The following FAM177A1 variants were observed in gnomAD, a reference collection of about 807,000 sequenced individuals.
FAM177A1 encodes family with sequence similarity 177 member A1, also known as protein FAM177A1.
Under a neutral mutation model 26.1 loss-of-function variants are expected in FAM177A1, and 22 were observed. The ratio of observed to expected loss-of-function variants is 0.84; its 90% CI spans 0.60 to 1.20. FAM177A1 has a LOEUF of 1.20. Ranked by LOEUF, FAM177A1 falls within the 50% of genes most tolerant of loss-of-function variation. The pLI is 0.00. For missense variants in FAM177A1, 296 were observed against 291.1 expected (o/e 1.02, Z -0.12); for synonymous variants, 95 against 99.3 (o/e 0.96, Z 0.26).
chr14:35,079,120 T>G (rs2045441444), intron 4 of FAM177A1, 96 bp downstream of exon 4: 1 of 787,744 alleles, frequency 1.3e-6, no homozygotes, highest in Non-Finnish European at 2.0e-6. Context: ...CTGCCCAACA[T>G]GTAGCTCTCT....
chr14:35,053,541 G>T, intron 2 of FAM177A1, 90 bp downstream of exon 2: 1 of 1,143,112 alleles, frequency 8.7e-7, no homozygotes, highest in Non-Finnish European at 1.3e-6. Flanking sequence ...GACCTTTTGA[G>T]GTTTAAATCA....
At chr14:35,071,568 A>T (rs1431666922) in intron 2 of FAM177A1, among the ~76,000 whole-genome samples, 1 of 149,428 alleles carries the variant, frequency 6.7e-6, no homozygotes, top group Non-Finnish European at 1.5e-5. Context: ...GATTCAATCA[A>T]GTCAATGTTC....
At chr14:35,065,357 C>CTTTT (rs1181451849) in intron 2 of FAM177A1, among the ~76,000 whole-genome samples, 5 of 91,878 alleles carry the variant, frequency 5.4e-5, no homozygotes, top group Admixed American at 1.1e-4. Flanking sequence ...TCCATTGAAT[C>CTTTT]TTTTTTTTTT....
At chr14:35,058,038 C>T (rs1298917324) in intron 2 of FAM177A1, among the ~76,000 whole-genome samples, 1 of 151,794 alleles carries the variant, frequency 6.6e-6, no homozygotes, top group Non-Finnish European at 1.5e-5. Flanking sequence ...TGATCATCTG[C>T]CCTGTTGTCC....
Position 35,061,995 on chromosome 14 carries a change from G to A in FAM177A1, c.339+8544G>A, listed in dbSNP as rs77563367. Among the ~76,000 whole-genome samples the A allele has an allele frequency of 2.2e-3, 333 of 152,166 alleles. 1 individual carries two copies. The highest frequency in any genetic ancestry group is 2.7e-3 in the Non-Finnish European group (182 of 68,018). ...CCTCAGTAATAGATGAGAAGTGCTG[G>A]TTAATATTCTGTTCCTCCTGAGAAG... On this transcript the variant is annotated intron_variant, in intron 2 of 4. Transcript: ENST00000280987.
intron 4 of FAM177A1, among the ~76,000 whole-genome samples, chr14:35,079,346 T>C (rs995555359): frequency 3.3e-5 from 5 of 152,158 alleles, no homozygotes; most frequent in African/African-American, 1.2e-4. Context: ...AGAAACAAGA[T>C]ACTTAGAGCA....
chr14:35,082,571 C>G lies in FAM177A1; in HGVS notation c.*1343C>G, dbSNP rs1428138415. 1 of 151,862 alleles carries G rather than the reference C, an allele frequency of 6.6e-6. No homozygotes were observed. Among genetic ancestry groups the G allele is most frequent in the African/African-American group, 2.4e-5 (1 of 41,336 alleles). The allele number at this position is 151,862 out of a possible 1,614,324, so 9.4% of individuals were successfully genotyped here. A position where few individuals can be genotyped will look rare whatever the true frequency, so the allele number is the denominator to read the frequency against. On this transcript the variant is annotated 3_prime_UTR_variant, in exon 5 of 5. Transcript: ENST00000280987. ...CAGACACACACACACACACATATAT[C>G]TCTAAATGTGTGTATAGAACCTTTT... is the stretch of plus-strand genomic sequence containing the variant.
intron 2 of FAM177A1, among the ~76,000 whole-genome samples, chr14:35,062,768 C>T (rs1366251241): frequency 1.1e-4 from 16 of 142,804 alleles, no homozygotes; most frequent in Admixed American, 7.1e-4. Flanking sequence ...TACTCCAGCC[C>T]GGGCAACAAA....
At chr14:35,057,118 C>A (rs1024096762) in intron 2 of FAM177A1, among the ~76,000 whole-genome samples, 1 of 152,088 alleles carries the variant, frequency 6.6e-6, no homozygotes, top group Admixed American at 6.6e-5. Flanking sequence ...GTTTCATTTT[C>A]CAGTGTCCTA....
At chr14:35,060,242 TG>T (rs1197537421) in intron 2 of FAM177A1, among the ~76,000 whole-genome samples, 2 of 152,198 alleles carry the variant, frequency 1.3e-5, no homozygotes, top group Non-Finnish European at 2.9e-5. Context: ...CCTAAAGTGC[TG>T]GGATTACAGG....
At chr14:35,071,801 G>A (rs2138561361) in intron 2 of FAM177A1, among the ~76,000 whole-genome samples, 1 of 152,204 alleles carries the variant, frequency 6.6e-6, no homozygotes, top group South Asian at 2.1e-4. Flanking sequence ...GTTTAGGGGT[G>A]TGACCCCCCA....
rs908910088 is a variant in FAM177A1, at chr14:35,082,091, T to A, written c.*863T>A. ...AATGATAGCCTAATGAAATTACCCGTCATTCATCATTTAGAAGTAGCAACA... is the reference window on the plus strand; with the variant it reads ...AATGATAGCCTAATGAAATTACCCGACATTCATCATTTAGAAGTAGCAACA... On this transcript the variant is annotated 3_prime_UTR_variant, in exon 5 of 5. Coordinates refer to ENST00000280987, the MANE Select transcript of FAM177A1 (RefSeq NM_173607.5). 2 of 152,174 alleles carry A rather than the reference T, an allele frequency of 1.3e-5. No individual in the cohort carries two copies. Among genetic ancestry groups the A allele is most frequent in the African/African-American group, 4.8e-5 (2 of 41,440 alleles). The allele number at this position is 152,174 out of a possible 1,614,324, so 9.4% of individuals were successfully genotyped here. A position where few individuals can be genotyped will look rare whatever the true frequency, so the allele number is the denominator to read the frequency against.
chr14:35,056,431 C>T (rs1263118276), intron 2 of FAM177A1, among the ~76,000 whole-genome samples: 1 of 152,128 alleles, frequency 6.6e-6, no homozygotes, highest in African/African-American at 2.4e-5. Context: ...TCTTGGCTTA[C>T]TGCAACCTCT....
intron 2 of FAM177A1, among the ~76,000 whole-genome samples, chr14:35,070,676 A>T (rs17103005): frequency 0.34 from 51,543 of 152,088 alleles, 8,909 homozygotes; most frequent in East Asian, 0.41. Flanking sequence ...GCATATTTAT[A>T]GGCAAATTTT....
intron 1 of FAM177A1, among the ~76,000 whole-genome samples, chr14:35,047,898 T>TC (rs1350708813): frequency 6.6e-6 from 1 of 152,138 alleles, no homozygotes; most frequent in Non-Finnish European, 1.5e-5. Flanking sequence ...GTAAGACATT[T>TC]CCCCCAAACT....
chr14:35,069,410 C>G (rs909996145), intron 2 of FAM177A1, among the ~76,000 whole-genome samples: 9 of 151,994 alleles, frequency 5.9e-5, no homozygotes, highest in African/African-American at 2.2e-4. Flanking sequence ...CTCAGCCTCC[C>G]AAGTAGCTGG....
intron 2 of FAM177A1, among the ~76,000 whole-genome samples, chr14:35,061,672 G>A (rs1378211675): frequency 6.7e-6 from 1 of 149,106 alleles, no homozygotes; most frequent in Non-Finnish European, 1.5e-5. Flanking sequence ...TAAATGACAA[G>A]TTAATGGGTG....
chr14:35,072,406 T>C (rs995899723), intron 2 of FAM177A1, among the ~76,000 whole-genome samples: 1 of 152,064 alleles, frequency 6.6e-6, no homozygotes. Context: ...TTGAGTAGGC[T>C]GAGGAGGAAG....
At chr14:35,049,275 A>G (rs2044926017) in intron 1 of FAM177A1, among the ~76,000 whole-genome samples, 1 of 152,122 alleles carries the variant, frequency 6.6e-6, no homozygotes, top group African/African-American at 2.4e-5. Context: ...AAGGAGTTAA[A>G]ATTTCAGTAC....
Sources: gnomAD v4.1 joint callset for allele counts (sites outside exome capture counted in the v4.1 genomes callset) on GRCh38, gnomAD v4.1.1 for gene constraint, MANE v1.5 for transcripts, NCBI Gene and HGNC (gene_info 2026-07-23, HGNC 2026-07-21) for gene names.